Variants in SH3BP4 observed in about 807,000 individuals in gnomAD.
SH3BP4 encodes SH3 domain binding protein 4.
SH3BP4 carries 33 observed loss-of-function variants against 65.5 expected under a neutral mutation model. The observed-to-expected ratio is 0.50, with a 90% CI of 0.38 to 0.67. The LOEUF (loss-of-function observed/expected upper bound fraction) is 0.67, where lower values mean the gene tolerates loss of function less well. SH3BP4 is among the 30% of genes least tolerant of loss of function. The pLI is 0.00. For missense variants in SH3BP4, 1,134 were observed against 1,261.4 expected, an observed-to-expected ratio of 0.90 and a Z score of 1.53; for synonymous variants, 552 against 545.5, an observed-to-expected ratio of 1.01 and a Z score of -0.17.
chr2:235,017,285 A>G (rs1474905612), intron 2 of SH3BP4, among the ~76,000 whole-genome samples: 1 of 151,526 alleles, frequency 6.6e-6, no homozygotes, highest in Non-Finnish European at 1.5e-5. Context: ...TGTCTCTACT[A>G]AAAATACAAA....
rs1032683130 is a variant in SH3BP4 at position 235,002,112 on chromosome 2, C to T, written c.-133+6736C>T. ...CTGACCTCAGGCGACCCGCCCGCCT[C>T]GGCCTCCCCAGAGTGCTGGGATTAC... On this transcript the variant is annotated intron_variant, in intron 2 of 5. Coordinates refer to ENST00000392011, the MANE Select transcript of SH3BP4 (RefSeq NM_014521.3). Among the ~76,000 whole-genome samples the T allele has an allele frequency of 5.9e-5, 9 of 152,258 alleles. No individual in the cohort carries two copies. The South Asian group carries it at 8.3e-4, about 14-fold the overall frequency.
At chr2:234,970,406 A>G (rs1205521085) in intron 1 of SH3BP4, among the ~76,000 whole-genome samples, 1 of 152,160 alleles carries the variant, frequency 6.6e-6, no homozygotes. Context: ...CTGGCTTTTT[A>G]ATTTTAAAAG....
rs1694161348 is a variant in SH3BP4, at chr2:235,002,559, C to G, written c.-133+7183C>G. Among the ~76,000 whole-genome samples, 7 of 152,246 alleles carry G rather than the reference C, an allele frequency of 4.6e-5. 1 individual carries two copies. The South Asian group carries it at 1.5e-3, about 32-fold the overall frequency. ...TGGGCAACATAGCAAAACCTGGTCTCTATAAAAAATACAAAAAATTAGCCA... is the reference window on the plus strand; with the variant it reads ...TGGGCAACATAGCAAAACCTGGTCTGTATAAAAAATACAAAAAATTAGCCA... On this transcript the variant is annotated intron_variant, in intron 2 of 5. Coordinates refer to ENST00000392011, the MANE Select transcript of SH3BP4 (RefSeq NM_014521.3).
At position 235,053,691 on chromosome 2, in the gene SH3BP4, A is replaced by G. The variant is rs1696136057; in HGVS notation, c.2767A>G (p.Lys923Glu). ...VIQELHLGLD[K>E]MKNPITKRWK... ...CCAGGAGCTGCACCTGGGCCTGGACAAGATGAAAAACCCCATCACCAAGCG... is the reference window on the plus strand; with the variant it reads ...CCAGGAGCTGCACCTGGGCCTGGACGAGATGAAAAACCCCATCACCAAGCG... The change falls in exon 6 of 6, where the codon AAG becomes GAG. Residue 923 changes from lysine to glutamate, a missense_variant. Coordinates refer to ENST00000392011, the MANE Select transcript of SH3BP4 (RefSeq NM_014521.3). The G allele has an allele frequency of 6.2e-7, 1 of 1,614,198 alleles. No homozygotes were observed. Among genetic ancestry groups the G allele is most frequent in the East Asian group, 2.2e-5 (1 of 44,884 alleles).
At chr2:234,966,812 C>G (rs926294260) in intron 1 of SH3BP4, among the ~76,000 whole-genome samples, 1 of 152,158 alleles carries the variant, frequency 6.6e-6, no homozygotes, top group Non-Finnish European at 1.5e-5. Flanking sequence ...GACCTGGTGT[C>G]AAACTAATGT....
Position 235,041,407 on chromosome 2 carries a change from C to G in SH3BP4, c.638C>G (p.Thr213Ser). ...TESSSATTNS[T>S]GNIFDELPVT... ...TCCAGCTCAGCCACCACGAATAGCA[C>G]TGGCAACATCTTCGATGAGCTTCCA... Residue 213 changes from threonine to serine, a missense_variant, in exon 4 of 6, where the codon ACT becomes AGT. Physicochemically the swap from Thr to Ser is moderately conservative, Grantham distance 58. Coordinates refer to ENST00000392011, the MANE Select transcript of SH3BP4 (RefSeq NM_014521.3). This position sits in a 1 kb window ranked among gnomAD's most constrained non-coding sequence, Gnocchi z 6.0. 1 of 1,614,216 alleles carries G rather than the reference C, an allele frequency of 6.2e-7. No individual in the cohort carries two copies. Among genetic ancestry groups the G allele is most frequent in the Non-Finnish European group, 8.5e-7 (1 of 1,180,044 alleles).
intron 2 of SH3BP4, among the ~76,000 whole-genome samples, chr2:235,014,403 A>G (rs1694622390): frequency 6.6e-6 from 1 of 152,204 alleles, no homozygotes; most frequent in African/African-American, 2.4e-5. Context: ...AGAAGTGCCC[A>G]CATGGCATTG....
chr2:235,007,150 A>T (rs1355668191), intron 2 of SH3BP4, among the ~76,000 whole-genome samples: 4 of 151,848 alleles, frequency 2.6e-5, no homozygotes, highest in African/African-American at 9.7e-5. Flanking sequence ...GAGGGAGTGG[A>T]GGCAGTTGAG....
Position 235,052,431 on chromosome 2 carries a change from GGTA to G in SH3BP4, c.2479-126_2479-124del. On this transcript the variant is annotated intron_variant, in intron 4 of 5. Transcript: ENST00000392011. The surrounding 1 kb of genome is among the most constrained non-coding windows in gnomAD (Gnocchi z 5.0). Reference sequence around the variant, plus strand: ...CAGTGATCGATTTCAGGGGACATTTGGTAGTAGGCCAGGGAACATGGAGAATAG... The same window carrying G: ...CAGTGATCGATTTCAGGGGACATTTGGTAGGCCAGGGAACATGGAGAATAG... The G allele has an allele frequency of 1.5e-6, 1 of 646,480 alleles. No individual in the cohort carries two copies. The highest frequency in any genetic ancestry group is 2.5e-6 in the Non-Finnish European group (1 of 395,484). The allele number at this position is 646,480 out of a possible 1,614,324, so 40.0% of individuals were successfully genotyped here.
rs562552592 is a variant in SH3BP4, at chr2:235,041,891, C to A, written c.1122C>A (p.Ile374=). The A allele has an allele frequency of 6.2e-7, 1 of 1,613,170 alleles. No homozygotes were observed. Among genetic ancestry groups the A allele is most frequent in the East Asian group, 2.2e-5 (1 of 44,854 alleles). Residue 374 remains isoleucine (I), a synonymous_variant, in exon 4 of 6, where the codon ATC becomes ATA. Transcript: ENST00000392011. The surrounding 1 kb of genome is among the most constrained non-coding windows in gnomAD (Gnocchi z 6.0). Reference sequence around the variant, plus strand: ...TCAACAGTGACAGGTCCTGCAGCATCAGCCCTGTGCTGGAGGTCAAGCTGA... The same window carrying A: ...TCAACAGTGACAGGTCCTGCAGCATAAGCCCTGTGCTGGAGGTCAAGCTGA... The part of the protein sequence containing the change: ...LELNSDRSCS[I]SPVLEVKLSN...
At position 235,053,643 on chromosome 2, in the gene SH3BP4, G is replaced by C. The variant is rs754253257; in HGVS notation, c.2719G>C (p.Gly907Arg). Residue 907 changes from glycine to arginine, a missense_variant, in exon 6 of 6, where the codon GGG becomes CGG. Coordinates refer to ENST00000392011, the MANE Select transcript of SH3BP4 (RefSeq NM_014521.3). Reference protein sequence around the residue: ...DFLLTWSHQIGDSYRDVIQEL... With the variant: ...DFLLTWSHQIRDSYRDVIQEL... ...CTTACTCACCTGGAGCCATCAGATC[G>C]GGGACAGCTACCGGGATGTCATCCA... 17 of 1,613,998 alleles carry C rather than the reference G, an allele frequency of 1.1e-5. No homozygotes were observed. The highest frequency in any genetic ancestry group is 1.6e-4 in the Middle Eastern group (1 of 6,084).
At chr2:235,019,850 C>T (rs1694799724) in intron 2 of SH3BP4, among the ~76,000 whole-genome samples, 1 of 140,330 alleles carries the variant, frequency 7.1e-6, no homozygotes. Context: ...GCCAGAGTTC[C>T]CAAACTATAC....
rs183501000 is a variant in SH3BP4 at position 235,035,565 on chromosome 2, T to C, written c.118+445T>C. On this transcript the variant is annotated intron_variant, in intron 3 of 5. Coordinates refer to ENST00000392011, the MANE Select transcript of SH3BP4 (RefSeq NM_014521.3). The surrounding 1 kb of genome is among the most constrained non-coding windows in gnomAD (Gnocchi z 5.0). Reference sequence around the variant, plus strand: ...CCGTATACCATCTCTGTCACAACTATTCATTGCTGCCTCGTTGCATGAAAG... The same window carrying C: ...CCGTATACCATCTCTGTCACAACTACTCATTGCTGCCTCGTTGCATGAAAG... Among the ~76,000 whole-genome samples, 6 of 152,376 alleles carry C rather than the reference T, an allele frequency of 3.9e-5. No homozygotes were observed. The East Asian group carries it at 1.2e-3, about 29-fold the overall frequency.
At chr2:234,962,205 C>G (rs2106241175) in intron 1 of SH3BP4, among the ~76,000 whole-genome samples, 1 of 152,238 alleles carries the variant, frequency 6.6e-6, no homozygotes, top group South Asian at 2.1e-4. Context: ...GGCCCAATGT[C>G]AGCTCACCAC....
chr2:235,032,058 C>T (rs558209123), intron 2 of SH3BP4, among the ~76,000 whole-genome samples: 5 of 152,374 alleles, frequency 3.3e-5, no homozygotes, highest in African/African-American at 1.2e-4. Flanking sequence ...GCCGAGGCAA[C>T]CCTTTCCCTT....
At chr2:234,986,471 C>G (rs1693562780) in intron 1 of SH3BP4, among the ~76,000 whole-genome samples, 1 of 152,192 alleles carries the variant, frequency 6.6e-6, no homozygotes, top group African/African-American at 2.4e-5. Flanking sequence ...TATAACCTGC[C>G]ATGGGAAAAG....
rs191143312 is a variant in SH3BP4 at position 235,035,739 on chromosome 2, G to A, written c.118+619G>A. The stretch of plus-strand genomic sequence containing the variant: ...AAAGTTTAATAACCCTGGGTCTCTG[G>A]GTTTCTCCAGTGGCCTCGTAAAATT... On this transcript the variant is annotated intron_variant, in intron 3 of 5. Transcript: ENST00000392011. This position sits in a 1 kb window ranked among gnomAD's most constrained non-coding sequence, Gnocchi z 5.0. Among the ~76,000 whole-genome samples the A allele has an allele frequency of 9.9e-5, 15 of 152,254 alleles. No individual in the cohort carries two copies. The highest frequency in any genetic ancestry group is 1.9e-4 in the East Asian group (1 of 5,176).
At chr2:235,021,663 A>G (rs1356648291) in intron 2 of SH3BP4, among the ~76,000 whole-genome samples, 1 of 151,900 alleles carries the variant, frequency 6.6e-6, no homozygotes. Context: ...TATTTGGAAG[A>G]AAAAAAAGGT....
chr2:234,972,127 G>GT (rs555852069), intron 1 of SH3BP4, among the ~76,000 whole-genome samples: 2,657 of 120,094 alleles, frequency 0.022, 47 homozygotes, highest in African/African-American at 0.059. Context: ...TTTTTTTTTT[G>GT]TTTTTTGTTT....
Sources: gnomAD v4.1 joint callset for allele counts (sites outside exome capture counted in the v4.1 genomes callset) on GRCh38, gnomAD v4.1.1 for gene constraint, Gnocchi (gnomAD v3.1) non-coding constraint, MANE v1.5 for transcripts, NCBI Gene and HGNC (gene_info 2026-07-23, HGNC 2026-07-21) for gene names.